The following LPO variants were observed in gnomAD, a reference collection of about 807,000 sequenced individuals.
LPO encodes the protein lactoperoxidase, also known as salivary peroxidase.
LPO carries 70 observed loss-of-function variants against 68.4 expected under a neutral mutation model. The ratio of observed to expected loss-of-function variants is 1.02; its 90% CI spans 0.84 to 1.25. The LOEUF (loss-of-function observed/expected upper bound fraction) is 1.25, where lower values mean the gene tolerates loss of function less well. Ranked by LOEUF, LPO falls within the 50% of genes most tolerant of loss-of-function variation. The pLI is 0.00. For missense variants in LPO, 873 were observed against 908.4 expected (o/e 0.96, Z 0.50); for synonymous variants, 360 against 357.6 (o/e 1.01, Z -0.08).
At chr17:58,259,870 G>C (rs1970142945) in intron 9 of LPO, among the ~76,000 whole-genome samples, 4 of 152,176 alleles carry the variant, frequency 2.6e-5, no homozygotes, top group Admixed American at 2.6e-4. Flanking sequence ...TCACCAGGCT[G>C]GAGTGCAGTG....
At position 58,261,700 on chromosome 17, in the gene LPO, T is replaced by C. The variant is rs1267096285; in HGVS notation, c.1267-3022T>C. 7.2e-5 allele frequency among the ~76,000 whole-genome samples: 11 copies of C among 152,222 alleles called. No individual in the cohort carries two copies. In the South Asian group the frequency reaches 2.1e-3, roughly 29 times the overall value. On this transcript the variant is annotated intron_variant, in intron 9 of 12. Transcript: ENST00000262290. ...TTTTCTGTTTGTTCCTTCTGTTTCT[T>C]CTTCCTCTAATATTGTTTTTCTTGC...
Position 58,249,673 on chromosome 17 carries a change from G to T in LPO, c.551G>T (p.Arg184Leu), listed in dbSNP as rs1481433178. Residue 184 changes from arginine to leucine, a missense_variant, in exon 6 of 13, where the codon CGC (arginine) becomes CTC (leucine). Transcript: ENST00000262290. Reference protein sequence around the residue: ...LPFGWTPGKTRNGFPLPLARE... With the variant: ...LPFGWTPGKTLNGFPLPLARE... ...TTCGGCTGGACGCCGGGGAAGACGC[G>T]CAACGGCTTCCCTCTCCCGCTGGTG... 6.3e-7 allele frequency: 1 copy of T among 1,578,624 alleles called. No homozygotes were observed. Among genetic ancestry groups the T allele is most frequent in the Admixed American group, 1.8e-5 (1 of 55,906 alleles).
intron 4 of LPO, among the ~76,000 whole-genome samples, chr17:58,248,571 C>A (rs143817532): frequency 3.9e-4 from 59 of 152,284 alleles, no homozygotes; most frequent in Non-Finnish European, 5.9e-4. Flanking sequence ...CTCCCACAAC[C>A]CTTGCCCCTC....
At chr17:58,248,426 A>G (rs1969892183) in intron 4 of LPO, among the ~76,000 whole-genome samples, 1 of 151,946 alleles carries the variant, frequency 6.6e-6, no homozygotes, top group Non-Finnish European at 1.5e-5. Context: ...AGCCCCCATG[A>G]GCCAGATTCC....
chr17:58,244,287 G>A, intron 3 of LPO: 1 of 589,636 alleles, frequency 1.7e-6, no homozygotes, highest in Non-Finnish European at 3.0e-6. Flanking sequence ...AAAGTCCTCA[G>A]CCTGTACATC....
At chr17:58,249,741 C>T in intron 6 of LPO, 46 bp downstream of exon 6, 2 of 1,518,954 alleles carry the variant, frequency 1.3e-6, no homozygotes, top group Admixed American at 2.3e-5. Flanking sequence ...CCAGAGGGGA[C>T]GGGATGCACT....
rs200951036 is a variant in LPO, at chr17:58,244,088, G to GAC, written c.164+8_164+9insCA. The stretch of plus-strand genomic sequence containing the variant: ...TCCTGGACTCCCGAACCAGGTACGT[G>GAC]AGACACACACACACACACACACACA... On this transcript the variant is annotated splice_region_variant and intron_variant, in intron 3 of 12. Coordinates refer to ENST00000262290, the MANE Select transcript of LPO (RefSeq NM_006151.3). 4,753 of 1,449,210 alleles carry GAC rather than the reference G, an allele frequency of 3.3e-3. 50 individuals are homozygous for GAC. The highest frequency in any genetic ancestry group is 0.022 in the African/African-American group (1,171 of 53,444). The allele number at this position is 1,449,210 out of a possible 1,614,324, so 89.8% of individuals were successfully genotyped here. A position where few individuals can be genotyped will look rare whatever the true frequency, so the allele number is the denominator to read the frequency against.
intron 3 of LPO, among the ~76,000 whole-genome samples, chr17:58,245,912 G>C (rs745668346): frequency 4.6e-5 from 7 of 152,190 alleles, no homozygotes; most frequent in Non-Finnish European, 8.8e-5. Flanking sequence ...CCAGCGCCCT[G>C]CTTTGAAATG....
chr17:58,252,525 C>A lies in LPO; in HGVS notation c.1105+19C>A, dbSNP rs1256840233. ...CTGGCAGGTGAGTCTAGCCTGGGAACAGAAGGGCCCAAGGACAAGGGGATT... is the reference window on the plus strand; with the variant it reads ...CTGGCAGGTGAGTCTAGCCTGGGAAAAGAAGGGCCCAAGGACAAGGGGATT... On this transcript the variant is annotated intron_variant, in intron 8 of 12. Transcript: ENST00000262290. 7.5e-6 allele frequency: 12 copies of A among 1,601,434 alleles called. No homozygotes were observed. Among genetic ancestry groups the A allele is most frequent in the African/African-American group, 1.3e-5 (1 of 74,766 alleles).
At chr17:58,267,230 T>A in intron 11 of LPO, 119 bp from the exon 12 acceptor site, 1 of 694,920 alleles carries the variant, frequency 1.4e-6, no homozygotes. Context: ...TCCTTCCCCA[T>A]CCCAAAGGCT....
intron 9 of LPO, among the ~76,000 whole-genome samples, 169 bp downstream of exon 9, chr17:58,255,140 CT>C (rs1229660576): frequency 6.6e-6 from 1 of 152,172 alleles, no homozygotes; most frequent in Non-Finnish European, 1.5e-5. Flanking sequence ...AATCCCCTTC[CT>C]TTCATTTCTT....
chr17:58,249,214 G>A (rs779412145), intron 5 of LPO, 37 bp downstream of exon 5: 3 of 1,559,416 alleles, frequency 1.9e-6, no homozygotes, highest in Non-Finnish European at 2.6e-6. Flanking sequence ...GACCATTCCA[G>A]CCACTCCGCC....
At chr17:58,243,788 AT>A (rs1197455331) in intron 2 of LPO, 5 of 592,480 alleles carry the variant, frequency 8.4e-6, no homozygotes, top group Non-Finnish European at 1.5e-5. Context: ...CAATTTTGAC[AT>A]CTTGTTGAAG....
intron 9 of LPO, among the ~76,000 whole-genome samples, chr17:58,263,334 T>A (rs887159513): frequency 1.3e-5 from 2 of 152,218 alleles, no homozygotes; most frequent in Non-Finnish European, 2.9e-5. Flanking sequence ...ATCAGTTGAT[T>A]GTCTGTTTAC....
rs1248506064 is a variant in LPO, at chr17:58,250,507, G to C, written c.666G>C (p.Gln222His). The C allele has an allele frequency of 1.9e-6, 3 of 1,614,194 alleles. No homozygotes were observed. Among genetic ancestry groups the C allele is most frequent in the Non-Finnish European group, 2.5e-6 (3 of 1,180,024 alleles). Residue 222 changes from glutamine (Q) to histidine (H), a missense_variant, in exon 7 of 13, where the codon CAG becomes CAC. By Grantham distance (24) the Gln-to-His change is conservative (BLOSUM62 0). Transcript: ENST00000262290. ...CCCTGCTCTTCATGCAGTGGGGTCAGATTGTGGATCATGACCTGGACTTTG... is the reference window on the plus strand; with the variant it reads ...CCCTGCTCTTCATGCAGTGGGGTCACATTGTGGATCATGACCTGGACTTTG... ...NRSLLFMQWGQIVDHDLDFAP... is the reference protein window; with the variant it reads ...NRSLLFMQWGHIVDHDLDFAP...
intron 8 of LPO, among the ~76,000 whole-genome samples, chr17:58,254,365 G>A (rs945757862): frequency 1.3e-5 from 2 of 152,014 alleles, no homozygotes; most frequent in African/African-American, 4.8e-5. Context: ...CCTTACCCAA[G>A]CTCCTCACCT....
intron 1 of LPO, among the ~76,000 whole-genome samples, chr17:58,241,129 T>C (rs896090145): frequency 1.3e-3 from 158 of 120,556 alleles, no homozygotes; most frequent in Non-Finnish European, 2.2e-3. Flanking sequence ...TTTTTTCTTT[T>C]TTTTTTTTTT....
intron 5 of LPO, 63 bp from the exon 6 acceptor site, chr17:58,249,502 GT>G: frequency 6.4e-7 from 1 of 1,573,548 alleles, no homozygotes; most frequent in Non-Finnish European, 8.6e-7. Flanking sequence ...CCCCCATGGG[GT>G]CCTGGGCTTT....
At chr17:58,239,283 G>A (rs1489030730) in intron 1 of LPO, among the ~76,000 whole-genome samples, 3 of 150,470 alleles carry the variant, frequency 2.0e-5, no homozygotes, top group Non-Finnish European at 3.0e-5. Context: ...TGCCCTCAAT[G>A]TCTAGTCCTA....
Sources: gnomAD v4.1 joint callset for allele counts (sites outside exome capture counted in the v4.1 genomes callset) on GRCh38, gnomAD v4.1.1 for gene constraint, MANE v1.5 for transcripts, NCBI Gene and HGNC (gene_info 2026-07-23, HGNC 2026-07-21) for gene names.